TAFA1: variants seen among roughly 807,000 people sequenced by gnomAD.
The protein encoded by TAFA1 is chemokine-like protein TAFA-1.
In TAFA1, 4 loss-of-function variants were observed where a neutral mutation model predicts 18.5. That is an observed-to-expected ratio of 0.22 (90% confidence interval 0.11 to 0.49). The LOEUF (loss-of-function observed/expected upper bound fraction) is 0.49. Ranked by LOEUF, TAFA1 falls within the 20% of genes least tolerant of loss-of-function variation. The pLI is 0.98. For synonymous variants in TAFA1, 56 were observed against 55.2 expected, an observed-to-expected ratio of 1.01 and a Z score of -0.06; for missense variants, 147 against 169.0, an observed-to-expected ratio of 0.87 and a Z score of 0.72.
chr3:68,541,436 C>G (rs545451779), intron 4 of TAFA1, among the ~76,000 whole-genome samples: 21 of 152,246 alleles, frequency 1.4e-4, no homozygotes, highest in Non-Finnish European at 3.1e-4. Context: ...TCTTCTACAT[C>G]TTATGTATTC....
chr3:68,440,400 A>G (rs550737565), intron 3 of TAFA1, among the ~76,000 whole-genome samples: 22 of 152,274 alleles, frequency 1.4e-4, no homozygotes, highest in African/African-American at 5.3e-4. Flanking sequence ...AATAAATTTT[A>G]GGGCACATGA....
intron 2 of TAFA1, among the ~76,000 whole-genome samples, chr3:68,221,815 T>C (rs1348378585): frequency 6.6e-6 from 1 of 152,216 alleles, no homozygotes; most frequent in East Asian, 1.9e-4. Context: ...GCTATTTGAT[T>C]CTTTTAATCC....
chr3:68,368,215 C>A (rs1177090444), intron 2 of TAFA1, among the ~76,000 whole-genome samples: 2 of 152,180 alleles, frequency 1.3e-5, no homozygotes, highest in Non-Finnish European at 2.9e-5. Flanking sequence ...TGCTTCTCCT[C>A]ACCATTGTCT....
chr3:68,274,290 G>T (rs191343332), intron 2 of TAFA1, among the ~76,000 whole-genome samples: 1 of 152,254 alleles, frequency 6.6e-6, no homozygotes, highest in African/African-American at 2.4e-5. Flanking sequence ...ATTAAAAAGA[G>T]CTATGATGAA....
rs182980341 is a variant in TAFA1 at position 68,252,068 on chromosome 3, A to G, written c.119-165212A>G. ...GCTCTGTCATTGCCTTTATAAAGAC[A>G]ATGAGATCTCTTTGAGATCTCTTCA... On this transcript the variant is annotated intron_variant, in intron 2 of 4. Transcript: ENST00000478136. Among the ~76,000 whole-genome samples the G allele has an allele frequency of 6.2e-3, 939 of 152,282 alleles. 3 individuals carry two copies. The highest frequency in any genetic ancestry group is 6.5e-3 in the Non-Finnish European group (445 of 68,022).
intron 2 of TAFA1, among the ~76,000 whole-genome samples, chr3:68,368,633 C>T (rs2069619693): frequency 6.6e-6 from 1 of 151,856 alleles, no homozygotes; most frequent in South Asian, 2.1e-4. Flanking sequence ...GATGATTCTA[C>T]TTATCTCCCC....
At chr3:68,097,250 G>A (rs139118613) in intron 2 of TAFA1, among the ~76,000 whole-genome samples, 1 of 152,154 alleles carries the variant, frequency 6.6e-6, no homozygotes, top group East Asian at 1.9e-4. Context: ...ATTAACATAC[G>A]TTTTTATACA....
At chr3:68,082,566 A>G (rs1559513477) in intron 2 of TAFA1, among the ~76,000 whole-genome samples, 2 of 152,246 alleles carry the variant, frequency 1.3e-5, no homozygotes, top group Admixed American at 6.5e-5. Flanking sequence ...ACAAATGCAT[A>G]GTACTTAAAT....
intron 3 of TAFA1, among the ~76,000 whole-genome samples, chr3:68,510,313 C>T (rs2072826290): frequency 6.6e-6 from 1 of 152,158 alleles, no homozygotes; most frequent in African/African-American, 2.4e-5. Context: ...TAGAGCACCT[C>T]AAGGGAAGGG....
chr3:68,537,593 T>C (rs1002239160), intron 3 of TAFA1, among the ~76,000 whole-genome samples: 1 of 152,118 alleles, frequency 6.6e-6, no homozygotes, highest in East Asian at 1.9e-4. Flanking sequence ...GACTGGACAA[T>C]GGGGGCTTCA....
intron 2 of TAFA1, among the ~76,000 whole-genome samples, chr3:68,181,344 C>T (rs58772998): frequency 6.7e-6 from 1 of 149,158 alleles, no homozygotes; most frequent in Non-Finnish European, 1.5e-5. Context: ...ATATACCTTA[C>T]TCCAGAGAAA....
chr3:68,536,748 C>A (rs1415665621), intron 3 of TAFA1, among the ~76,000 whole-genome samples: 1 of 152,108 alleles, frequency 6.6e-6, no homozygotes, highest in Admixed American at 6.6e-5. Flanking sequence ...ATATTTAGTA[C>A]ATACACTAAA....
rs2065373321 is a variant in TAFA1 at position 68,120,169 on chromosome 3, TTCTCTTTCTTTCTTTCTTTCTTTC to T, written c.118+113427_118+113450del. Among the ~76,000 whole-genome samples the T allele has an allele frequency of 2.2e-5, 3 of 138,182 alleles. 1 individual carries two copies. The highest frequency in any genetic ancestry group is 3.3e-5 in the African/African-American group (1 of 30,634). The allele number at this position is 138,182 out of a possible 152,430, so 90.7% of individuals were successfully genotyped here. A position where few individuals can be genotyped will look rare whatever the true frequency, so the allele number is the denominator to read the frequency against. On this transcript the variant is annotated intron_variant, in intron 2 of 4. Coordinates refer to ENST00000478136, the MANE Select transcript of TAFA1 (RefSeq NM_213609.4). ...ATTTTCTTTCTTTCTTTCTCTTTCT[TTCTCTTTCTTTCTTTCTTTCTTTC>T]TTTCTTTCTTTCTTTCTTTCTTTCT...
chr3:68,220,603 T>G (rs1479769654), intron 2 of TAFA1, among the ~76,000 whole-genome samples: 1 of 152,134 alleles, frequency 6.6e-6, no homozygotes, highest in Non-Finnish European at 1.5e-5. Context: ...AGGAGTTTAC[T>G]ATCTTATACA....
chr3:68,422,562 T>G (rs1229738513), intron 3 of TAFA1, among the ~76,000 whole-genome samples: 2 of 152,102 alleles, frequency 1.3e-5, no homozygotes, highest in Non-Finnish European at 2.9e-5. Flanking sequence ...GCTTTAAGGT[T>G]GAGAATCTGA....
intron 3 of TAFA1, among the ~76,000 whole-genome samples, chr3:68,453,954 G>A (rs1051078744): frequency 6.6e-6 from 1 of 152,146 alleles, no homozygotes; most frequent in African/African-American, 2.4e-5. Flanking sequence ...AGTAAATAAA[G>A]GCTTAAGGAG....
intron 2 of TAFA1, among the ~76,000 whole-genome samples, chr3:68,339,528 A>G (rs932460579): frequency 6.6e-6 from 1 of 152,210 alleles, no homozygotes. Context: ...AAACAGAGGC[A>G]ATCTGTGTAT....
intron 2 of TAFA1, among the ~76,000 whole-genome samples, chr3:68,233,353 T>C (rs1330559484): frequency 6.6e-6 from 1 of 152,212 alleles, no homozygotes; most frequent in South Asian, 2.1e-4. Flanking sequence ...CTTTTTAGTC[T>C]AATATAGTTT....
At chr3:68,078,679 TA>T (rs1284517689) in intron 2 of TAFA1, among the ~76,000 whole-genome samples, 2 of 152,102 alleles carry the variant, frequency 1.3e-5, no homozygotes, top group Non-Finnish European at 2.9e-5. Context: ...TCATGGTGGA[TA>T]AGCTTTTTGA....
Sources: gnomAD v4.1 joint callset for allele counts (sites outside exome capture counted in the v4.1 genomes callset) on GRCh38, gnomAD v4.1.1 for gene constraint, MANE v1.5 for transcripts, NCBI Gene and HGNC (gene_info 2026-07-23, HGNC 2026-07-21) for gene names.